CSMD1: variants seen among roughly 807,000 people sequenced by gnomAD.
The protein encoded by CSMD1 is CUB and Sushi multiple domains 1.
Under a neutral mutation model 417.5 loss-of-function variants are expected in CSMD1, and 213 were observed. The ratio of observed to expected loss-of-function variants is 0.51; its 90% CI spans 0.46 to 0.57. The LOEUF (loss-of-function observed/expected upper bound fraction) is 0.57. Among genes scored for constraint, CSMD1 ranks in the 20% least tolerant of loss-of-function variants. The pLI is 0.00. For synonymous variants in CSMD1, 2,862 were observed against 1,736.8 expected (o/e 1.65, Z -16.11); for missense variants, 6,923 against 4,529.7 (o/e 1.53, Z -15.17).
At chr8:4,066,481 A>C (rs913934243) in intron 3 of CSMD1, among the ~76,000 whole-genome samples, 2 of 152,228 alleles carry the variant, frequency 1.3e-5, no homozygotes, top group Admixed American at 6.5e-5. Context: ...TGTAAGCATT[A>C]ATTAATCTAT....
intron 3 of CSMD1, among the ~76,000 whole-genome samples, chr8:4,160,755 C>G (rs192740313): frequency 1.4e-4 from 22 of 152,344 alleles, no homozygotes; most frequent in Non-Finnish European, 2.2e-4. Context: ...ACTACATTTA[C>G]TCAGTCACAC....
At chr8:3,319,043 TG>T (rs1456988384) in intron 23 of CSMD1, among the ~76,000 whole-genome samples, 1 of 152,194 alleles carries the variant, frequency 6.6e-6, no homozygotes, top group African/African-American at 2.4e-5. Flanking sequence ...TTACACAGAA[TG>T]GAATTTGATT....
intron 5 of CSMD1, among the ~76,000 whole-genome samples, chr8:3,894,933 A>G (rs892357830): frequency 2.0e-5 from 3 of 152,224 alleles, no homozygotes; most frequent in African/African-American, 7.2e-5. Context: ...TACCATACAG[A>G]TGACAATTTC....
At chr8:4,024,082 G>A (rs955124936) in intron 4 of CSMD1, among the ~76,000 whole-genome samples, 11 of 152,090 alleles carry the variant, frequency 7.2e-5, no homozygotes, top group Non-Finnish European at 1.3e-4. Context: ...AGAAAGAGTA[G>A]AAGCAAGAAT....
At chr8:4,457,900 T>G (rs1563197139) in intron 2 of CSMD1, among the ~76,000 whole-genome samples, 1 of 152,124 alleles carries the variant, frequency 6.6e-6, no homozygotes, top group Non-Finnish European at 1.5e-5. Context: ...AGTGAACGTC[T>G]CCATTTTCCC....
At chr8:3,480,746 A>C (rs1170543515) in intron 11 of CSMD1, among the ~76,000 whole-genome samples, 2 of 152,204 alleles carry the variant, frequency 1.3e-5, no homozygotes, top group African/African-American at 2.4e-5. Flanking sequence ...ATTTGGGATC[A>C]TGGAGGCCAG....
chr8:4,530,379 A>G (rs1251895297), intron 2 of CSMD1, among the ~76,000 whole-genome samples: 1 of 114,492 alleles, frequency 8.7e-6, no homozygotes, highest in Non-Finnish European at 1.6e-5. Flanking sequence ...CTGAACGTGC[A>G]GGTTTGTTAC....
intron 10 of CSMD1, among the ~76,000 whole-genome samples, chr8:3,518,482 C>G (rs1397725531): frequency 6.6e-6 from 1 of 152,132 alleles, no homozygotes; most frequent in African/African-American, 2.4e-5. Flanking sequence ...TGTAAAATCT[C>G]ATTGGTAGAC....
chr8:4,234,385 C>A (rs1801924334), intron 3 of CSMD1, among the ~76,000 whole-genome samples: 1 of 152,064 alleles, frequency 6.6e-6, no homozygotes, highest in South Asian at 2.1e-4. Context: ...GTGTGGCAGC[C>A]ACCGGCATTC....
At chr8:4,166,302 G>C (rs746566059) in intron 3 of CSMD1, among the ~76,000 whole-genome samples, 24 of 152,048 alleles carry the variant, frequency 1.6e-4, no homozygotes, top group Non-Finnish European at 2.4e-4. Flanking sequence ...GGAATATTTT[G>C]TATTATCTTT....
intron 26 of CSMD1, among the ~76,000 whole-genome samples, chr8:3,269,251 G>A (rs1801660559): frequency 6.6e-6 from 1 of 152,242 alleles, no homozygotes. Flanking sequence ...ATGATCCTAA[G>A]TGGTCAATCA....
chr8:4,554,483 G>C (rs1024288962), intron 2 of CSMD1, among the ~76,000 whole-genome samples: 1 of 152,148 alleles, frequency 6.6e-6, no homozygotes, highest in Non-Finnish European at 1.5e-5. Flanking sequence ...AATAATTTGA[G>C]AATCTGGAAC....
chr8:3,948,233 C>CA (rs1365277614), intron 5 of CSMD1, among the ~76,000 whole-genome samples: 1 of 151,954 alleles, frequency 6.6e-6, no homozygotes, highest in Non-Finnish European at 1.5e-5. Flanking sequence ...ATAATAACAA[C>CA]AAGTGTCGCA....
chr8:3,752,312 C>T (rs770283339), intron 6 of CSMD1, among the ~76,000 whole-genome samples: 1 of 152,120 alleles, frequency 6.6e-6, no homozygotes, highest in Non-Finnish European at 1.5e-5. Context: ...AACCTTCCGG[C>T]AACATCAGAA....
At chr8:4,850,804 G>A (rs111252097) in intron 1 of CSMD1, among the ~76,000 whole-genome samples, 4 of 151,750 alleles carry the variant, frequency 2.6e-5, no homozygotes, top group East Asian at 3.9e-4. Flanking sequence ...TACCCAAACT[G>A]CCCTCAAAAA....
intron 3 of CSMD1, among the ~76,000 whole-genome samples, chr8:4,079,561 T>C (rs1346921227): frequency 6.6e-6 from 1 of 152,256 alleles, no homozygotes; most frequent in African/African-American, 2.4e-5. Flanking sequence ...TTTATTGATG[T>C]ACTTCACTTT....
intron 3 of CSMD1, among the ~76,000 whole-genome samples, chr8:4,407,260 T>C (rs1294759309): frequency 6.6e-6 from 1 of 152,190 alleles, no homozygotes; most frequent in Non-Finnish European, 1.5e-5. Flanking sequence ...GTTTAAAAAA[T>C]GACCTTAACT....
At chr8:3,295,772 T>A (rs529229115) in intron 25 of CSMD1, among the ~76,000 whole-genome samples, 14 of 152,286 alleles carry the variant, frequency 9.2e-5, no homozygotes, top group Admixed American at 7.8e-4. Context: ...TATAGAAAAT[T>A]TGATGGTTGT....
intron 12 of CSMD1, among the ~76,000 whole-genome samples, chr8:3,445,688 G>C (rs1226801585): frequency 1.3e-5 from 2 of 152,088 alleles, no homozygotes; most frequent in East Asian, 1.9e-4. Flanking sequence ...GGGGACGAGA[G>C]GAAACAAGGC....
Sources: gnomAD v4.1 joint callset for allele counts (sites outside exome capture counted in the v4.1 genomes callset) on GRCh38, gnomAD v4.1.1 for gene constraint, MANE v1.5 for transcripts, NCBI Gene and HGNC (gene_info 2026-07-23, HGNC 2026-07-21) for gene names.